Variants in USH2A observed in about 807,000 individuals in gnomAD.
USH2A encodes usherin.
Under a neutral mutation model 538.9 loss-of-function variants are expected in USH2A, and 443 were observed. The ratio of observed to expected loss-of-function variants is 0.82; its 90% confidence interval spans 0.76 to 0.89. The LOEUF (loss-of-function observed/expected upper bound fraction) is 0.89. Ranked by LOEUF, USH2A falls within the 40% of genes least tolerant of loss-of-function variation. The probability of loss-of-function intolerance (pLI) is 0.00; values close to 1 mark genes in which losing one functional copy is unlikely to be tolerated. For missense variants in USH2A, 6,633 were observed against 6,324.8 expected (o/e 1.05, Z -1.65); for synonymous variants, 2,413 against 2,273.5 (o/e 1.06, Z -1.75).
At chr1:216,225,032 C>G (rs964266202) in intron 14 of USH2A, among the ~76,000 whole-genome samples, 1 of 152,034 alleles carries the variant, frequency 6.6e-6, no homozygotes, top group African/African-American at 2.4e-5. Context: ...ACTTTGTTTT[C>G]AAAAACATTG....
chr1:216,012,251 C>T (rs1054109241), intron 32 of USH2A, among the ~76,000 whole-genome samples: 1 of 151,966 alleles, frequency 6.6e-6, no homozygotes, highest in African/African-American at 2.4e-5. Flanking sequence ...ATTTTCTTTA[C>T]ATCATGGAAA....
chr1:216,346,095 A>G (rs772676965), intron 4 of USH2A, among the ~76,000 whole-genome samples: 7 of 151,996 alleles, frequency 4.6e-5, no homozygotes, highest in Non-Finnish European at 1.0e-4. Flanking sequence ...TCTTCCCCTC[A>G]ATGGTCTGTC....
chr1:215,948,391 G>T, intron 37 of USH2A, among the ~76,000 whole-genome samples: 1 of 146,886 alleles, frequency 6.8e-6, no homozygotes. Flanking sequence ...TAATATTTTG[G>T]TATATTTTGG....
In USH2A at chr1:215,693,727, T is replaced by C. The variant is rs1164665133; in HGVS notation, c.12067-13351A>G. 7.2e-5 allele frequency among the ~76,000 whole-genome samples: 11 copies of C among 152,296 alleles called. No individual in the cohort carries two copies. In the East Asian group the frequency reaches 1.5e-3, roughly 21 times the overall value. ...AGAGTGACTACATCCTCATACATCA[T>C]GGAGCCTCTGGAAAACTCCACTGTA... On this transcript the variant is annotated intron_variant, in intron 61 of 71. Transcript: ENST00000307340.
chr1:215,716,489 A>G (rs1200839037), intron 61 of USH2A, among the ~76,000 whole-genome samples: 3 of 152,236 alleles, frequency 2.0e-5, no homozygotes, highest in African/African-American at 4.8e-5. Context: ...GTATCCAGCC[A>G]TGACATTAGT....
chr1:216,070,382 C>G, intron 29 of USH2A, 90 bp from the exon 30 acceptor site: 5 of 1,159,586 alleles, frequency 4.3e-6, no homozygotes, highest in Non-Finnish European at 6.4e-6. Flanking sequence ...CGCAGTAAAT[C>G]AGACTCAACC....
At chr1:215,916,906 C>A (rs1248558803) in intron 38 of USH2A, among the ~76,000 whole-genome samples, 1 of 152,100 alleles carries the variant, frequency 6.6e-6, no homozygotes, top group Non-Finnish European at 1.5e-5. Context: ...TAAAATTGCT[C>A]TGCAAGACAA....
intron 51 of USH2A, among the ~76,000 whole-genome samples, chr1:215,789,686 C>T (rs1393812324): frequency 6.6e-6 from 1 of 152,022 alleles, no homozygotes; most frequent in Non-Finnish European, 1.5e-5. Context: ...TGATGGCTGG[C>T]GGGCTAGGGA....
chr1:216,063,258 A>G (rs1277990309), intron 30 of USH2A, among the ~76,000 whole-genome samples: 1 of 152,154 alleles, frequency 6.6e-6, no homozygotes, highest in African/African-American at 2.4e-5. Context: ...CACCAAATCC[A>G]GCTTTCTGGC....
At chr1:216,202,199 CT>C (rs970326538) in intron 16 of USH2A, among the ~76,000 whole-genome samples, 1 of 152,112 alleles carries the variant, frequency 6.6e-6, no homozygotes, top group Non-Finnish European at 1.5e-5. Flanking sequence ...CTGGCATAAG[CT>C]TAAACTGGAA....
At chr1:215,833,899 C>A (rs993345738) in intron 47 of USH2A, among the ~76,000 whole-genome samples, 3 of 151,972 alleles carry the variant, frequency 2.0e-5, no homozygotes, top group African/African-American at 7.2e-5. Flanking sequence ...TTTGGAGATA[C>A]CATTTCCCAG....
intron 26 of USH2A, 21 bp from the exon 27 acceptor site, chr1:216,078,383 G>T: frequency 1.2e-6 from 2 of 1,610,744 alleles, no homozygotes; most frequent in South Asian, 2.2e-5. Flanking sequence ...TATTAAAAAA[G>T]AAAGTAGGTA....
chr1:216,090,431 T>TAAA (rs748252419), intron 22 of USH2A, among the ~76,000 whole-genome samples: 4 of 94,482 alleles, frequency 4.2e-5, no homozygotes, highest in African/African-American at 4.1e-5. Flanking sequence ...GTTACCAAAG[T>TAAA]AAAAAAAAAA....
intron 21 of USH2A, chr1:216,174,317 T>G: frequency 1.0e-6 from 1 of 977,856 alleles, no homozygotes; most frequent in Non-Finnish European, 1.2e-6. Context: ...TCTTATACTT[T>G]GTAAATTTTT....
intron 11 of USH2A, among the ~76,000 whole-genome samples, chr1:216,280,599 G>A (rs1216386844): frequency 6.6e-6 from 1 of 152,082 alleles, no homozygotes; most frequent in East Asian, 1.9e-4. Flanking sequence ...CTGTGCTTTA[G>A]ATGTTCTCTC....
At chr1:216,009,573 T>C (rs969367965) in intron 32 of USH2A, among the ~76,000 whole-genome samples, 12 of 152,082 alleles carry the variant, frequency 7.9e-5, no homozygotes, top group Non-Finnish European at 1.3e-4. Context: ...AAATCTTCCT[T>C]CTTTCCCTCC....
chr1:216,386,321 C>A (rs902550709), intron 3 of USH2A, among the ~76,000 whole-genome samples: 5 of 151,172 alleles, frequency 3.3e-5, no homozygotes, highest in African/African-American at 1.2e-4. Context: ...CACGGTGAAA[C>A]CCCATCTCTA....
In USH2A at chr1:215,650,734, G is replaced by T. The variant is rs937575305; in HGVS notation, c.14201C>A (p.Pro4734Gln). ...SWTWCRTGPAPPEGLRAPTFH... is the reference protein window; with the variant it reads ...SWTWCRTGPAQPEGLRAPTFH... ...CGTGGGGGCTCTGAGACCTTCTGGT[G>T]GGGCTGGCCCGGTTCTGCACCATGT... Residue 4734 changes from proline to glutamine, a missense_variant, in exon 65 of 72, where the codon CCA becomes CAA. Coordinates refer to ENST00000307340, the MANE Select transcript of USH2A (RefSeq NM_206933.4). 6.2e-7 allele frequency: 1 copy of T among 1,613,798 alleles called. No homozygotes were observed. Among genetic ancestry groups the T allele is most frequent in the Non-Finnish European group, 8.5e-7 (1 of 1,180,008 alleles).
intron 62 of USH2A, among the ~76,000 whole-genome samples, chr1:215,678,529 T>A (rs1249730458): frequency 1.3e-5 from 2 of 152,248 alleles, no homozygotes; most frequent in Non-Finnish European, 2.9e-5. Context: ...AGCTCAAATG[T>A]CAACTTGATT....
Sources: allele counts gnomAD v4.1 joint callset (sites outside exome capture counted in the v4.1 genomes callset), GRCh38; gene constraint gnomAD v4.1.1; transcripts MANE v1.5; gene names NCBI Gene and HGNC (gene_info 2026-07-23, HGNC 2026-07-21).